The following MYO9B variants were observed in gnomAD, a reference collection of about 807,000 sequenced individuals.
MYO9B encodes unconventional myosin-IXb.
Under a neutral mutation model 229.5 loss-of-function variants are expected in MYO9B, and 71 were observed. That is an observed-to-expected ratio of 0.31 (90% confidence interval 0.26 to 0.38). MYO9B has a LOEUF of 0.38. Among genes scored for constraint, MYO9B ranks in the 10% least tolerant of loss-of-function variants. MYO9B has a pLI of 1.00. For missense variants in MYO9B, 2,255 were observed against 2,920.5 expected (o/e 0.77, Z 5.25); for synonymous variants, 1,185 against 1,235.8 (o/e 0.96, Z 0.86).
At chr19:17,110,857 GC>G (rs992233863) in intron 2 of MYO9B, among the ~76,000 whole-genome samples, 5 of 152,054 alleles carry the variant, frequency 3.3e-5, no homozygotes, top group Non-Finnish European at 7.4e-5. Context: ...ACGTGCCACT[GC>G]CCCAGACCCC....
rs2073245078 is a variant in MYO9B at position 17,212,669 on chromosome 19, T to C, written c.*359T>C. The C allele has an allele frequency of 7.9e-6, 2 of 252,788 alleles. No individual in the cohort carries two copies. Among genetic ancestry groups the C allele is most frequent in the Non-Finnish European group, 1.5e-5 (2 of 133,450 alleles). 15.7% of individuals were successfully genotyped at this position (252,788 alleles called of 1,614,324 possible). On this transcript the variant is annotated 3_prime_UTR_variant, in exon 40 of 40. Coordinates refer to ENST00000682292, the MANE Select transcript of MYO9B (RefSeq NM_004145.4). The surrounding 1 kb of genome is among the most constrained non-coding windows in gnomAD (Gnocchi z 5.4). Reference sequence around the variant, plus strand: ...ATGGAAGACCAAATGGTTTTTTATATGTGTATGTACAAAGTTTTCTATTAA... The same window carrying C: ...ATGGAAGACCAAATGGTTTTTTATACGTGTATGTACAAAGTTTTCTATTAA...
At chr19:17,197,897 T>TA in intron 23 of MYO9B, 39 bp downstream of exon 23, 1 of 1,607,626 alleles carries the variant, frequency 6.2e-7, no homozygotes, top group Non-Finnish European at 8.5e-7. Flanking sequence ...CCACTAAAAA[T>TA]ACAAAAATCA....
chr19:17,091,321 G>T (rs969759592), intron 1 of MYO9B, among the ~76,000 whole-genome samples: 1 of 152,214 alleles, frequency 6.6e-6, no homozygotes, highest in South Asian at 2.1e-4. Context: ...GGCCTCATGG[G>T]CTCAGGCAAT....
intron 1 of MYO9B, among the ~76,000 whole-genome samples, chr19:17,096,643 G>A (rs2057691298): frequency 6.7e-6 from 1 of 149,108 alleles, no homozygotes; most frequent in African/African-American, 2.5e-5. Context: ...AAAAGCAGAT[G>A]AGCTGCCTCG....
At position 17,154,038 on chromosome 19, in the gene MYO9B, A is replaced by C; in HGVS notation, c.1070A>C (p.Gln357Pro). Residue 357 changes from glutamine to proline, a missense_variant, in exon 5 of 40, where the codon CAG becomes CCG. Gln to Pro is a moderately conservative substitution (Grantham distance 76). Coordinates refer to ENST00000682292, the MANE Select transcript of MYO9B (RefSeq NM_004145.4). ...EEERQEFQLK[Q>P]PEDYFYLNQH... ...GAGCGCCAAGAATTTCAGCTCAAGC[A>C]GCCTGAAGATTATTTCTACCTCAAC... 6.2e-7 allele frequency: 1 copy of C among 1,613,426 alleles called. No homozygotes were observed. The highest frequency in any genetic ancestry group is 8.5e-7 in the Non-Finnish European group (1 of 1,179,810).
chr19:17,174,673 G>A (rs977339741), intron 13 of MYO9B, among the ~76,000 whole-genome samples: 14 of 151,742 alleles, frequency 9.2e-5, no homozygotes, highest in Admixed American at 3.9e-4. Flanking sequence ...GGTGGCTCAC[G>A]TCTGTAATCC....
chr19:17,185,528 A>G (rs1343834345), intron 17 of MYO9B, among the ~76,000 whole-genome samples: 1 of 151,266 alleles, frequency 6.6e-6, no homozygotes, highest in Non-Finnish European at 1.5e-5. Flanking sequence ...CTTGGGCAAC[A>G]AGAGCAAGAC....
chr19:17,097,492 C>G (rs1359125789), intron 1 of MYO9B, among the ~76,000 whole-genome samples: 1 of 152,122 alleles, frequency 6.6e-6, no homozygotes, highest in Admixed American at 6.6e-5. Context: ...GGTTTTACAG[C>G]TAAATGGATA....
At chr19:17,102,639 A>G (rs962256804) in intron 2 of MYO9B, 82 bp downstream of exon 2, 19 of 1,457,024 alleles carry the variant, frequency 1.3e-5, no homozygotes, top group Non-Finnish European at 6.3e-6. Context: ...GGTGGCCCAC[A>G]TCTATAATCC....
chr19:17,107,261 GTGAA>G (rs1000155381), intron 2 of MYO9B, among the ~76,000 whole-genome samples: 1 of 152,088 alleles, frequency 6.6e-6, no homozygotes, highest in Non-Finnish European at 1.5e-5. Context: ...AATTTAGTAG[GTGAA>G]TGAATGAGAG....
rs1237794885 is a variant in MYO9B at position 17,172,360 on chromosome 19, C to T, written c.1818C>T (p.Thr606=). 1.2e-6 allele frequency: 2 copies of T among 1,613,856 alleles called. No individual in the cohort carries two copies. Among genetic ancestry groups the T allele is most frequent in the African/African-American group, 2.7e-5 (2 of 74,932 alleles). Residue 606 remains threonine (T), a synonymous_variant, in exon 12 of 40, where the codon ACC becomes ACT. Transcript: ENST00000682292. The surrounding 1 kb of genome is among the most constrained non-coding windows in gnomAD (Gnocchi z 8.2). ...ESNFPHATSQ[T]LLAKFKQQHE... is the part of the protein sequence containing the mutation. ...GCTTCCCCCACGCCACGAGCCAGAC[C>T]CTGCTGGCCAAGTTCAAACAGCAAC... is the stretch of plus-strand genomic sequence containing the variant.
At position 17,206,429 on chromosome 19, in the gene MYO9B, C is replaced by T. The variant is rs1290813893; in HGVS notation, c.5386+53C>T. Reference sequence around the variant, plus strand: ...GCAGGTGGCCACAGCCAGGATACAGCGTTCGCTGTGACCAGCCCAGGAGGC... The same window carrying T: ...GCAGGTGGCCACAGCCAGGATACAGTGTTCGCTGTGACCAGCCCAGGAGGC... On this transcript the variant is annotated intron_variant, in intron 33 of 39. Transcript: ENST00000682292. 1.9e-5 allele frequency: 30 copies of T among 1,589,504 alleles called. No individual in the cohort carries two copies. The East Asian group carries it at 3.1e-4, about 17-fold the overall frequency.
chr19:17,198,023 C>G, intron 23 of MYO9B, 161 bp from the exon 24 acceptor site: 2 of 1,321,326 alleles, frequency 1.5e-6, no homozygotes, highest in Non-Finnish European at 2.0e-6. Context: ...GACCAGGCCA[C>G]TGCACTCCAG....
intron 10 of MYO9B, 75 bp downstream of exon 10, chr19:17,163,197 A>G (rs2072623229): frequency 1.4e-6 from 2 of 1,454,638 alleles, no homozygotes; most frequent in Non-Finnish European, 1.9e-6. Context: ...CATCTTAACC[A>G]TTTGTAAATA....
chr19:17,198,174 C>T lies in MYO9B; in HGVS notation c.4114-10C>T, dbSNP rs892664357. ...TTTCCTTAGCAGCCCCCCACTGCAC[C>T]GTCTTGCAGCCTGCAGCAGAAACCA... On this transcript the variant is annotated splice_polypyrimidine_tract_variant and intron_variant, in intron 23 of 39. Transcript: ENST00000682292. 3.1e-6 allele frequency: 5 copies of T among 1,613,478 alleles called. No individual in the cohort carries two copies. The highest frequency in any genetic ancestry group is 1.6e-4 in the Middle Eastern group (1 of 6,078).
chr19:17,090,359 G>A (rs749073392), intron 1 of MYO9B, among the ~76,000 whole-genome samples: 2 of 151,890 alleles, frequency 1.3e-5, no homozygotes, highest in South Asian at 2.1e-4. Context: ...CCATGTTCCC[G>A]AGGCTGGTCT....
intron 2 of MYO9B, among the ~76,000 whole-genome samples, chr19:17,136,810 G>C (rs1568268342): frequency 6.6e-6 from 1 of 152,180 alleles, no homozygotes; most frequent in Non-Finnish European, 1.5e-5. Flanking sequence ...CAACAGGTCA[G>C]ACCGGGCCCA....
intron 2 of MYO9B, among the ~76,000 whole-genome samples, chr19:17,114,767 G>C (rs1409302432): frequency 6.6e-6 from 1 of 152,032 alleles, no homozygotes; most frequent in African/African-American, 2.4e-5. Context: ...GCCAGGTGCT[G>C]GCTGTGGCTC....
At chr19:17,126,025 C>A (rs748376627) in intron 2 of MYO9B, among the ~76,000 whole-genome samples, 2 of 152,198 alleles carry the variant, frequency 1.3e-5, no homozygotes, top group Non-Finnish European at 2.9e-5. Context: ...TCCTCACCTC[C>A]ATGACACCCA....
Sources: gnomAD v4.1 joint callset for allele counts (sites outside exome capture counted in the v4.1 genomes callset) on GRCh38, gnomAD v4.1.1 for gene constraint, Gnocchi (gnomAD v3.1) non-coding constraint, MANE v1.5 for transcripts, NCBI Gene and HGNC (gene_info 2026-07-23, HGNC 2026-07-21) for gene names.